Variants in LUZP1 observed in about 807,000 individuals in gnomAD.
The protein encoded by LUZP1 is filamin mechanobinding actin cross-linking protein.
LUZP1 carries 25 observed loss-of-function variants against 71.3 expected under a neutral mutation model. The observed-to-expected ratio is 0.35, with a 90% CI of 0.26 to 0.49. The LOEUF (loss-of-function observed/expected upper bound fraction) is 0.49. LUZP1 is among the 20% of genes least tolerant of loss of function. The probability of loss-of-function intolerance (pLI) is 0.99; values close to 1 mark genes in which losing one functional copy is unlikely to be tolerated. For missense variants in LUZP1, 1,142 were observed against 1,300.8 expected, an observed-to-expected ratio of 0.88 and a Z score of 1.88; for synonymous variants, 481 against 506.4, an observed-to-expected ratio of 0.95 and a Z score of 0.67.
intron 2 of LUZP1, among the ~76,000 whole-genome samples, chr1:23,162,294 G>A (rs943077769): frequency 1.3e-5 from 2 of 151,972 alleles, no homozygotes; most frequent in Non-Finnish European, 2.9e-5. Flanking sequence ...TACTGGTAAC[G>A]CTGTTTCTTG....
intron 2 of LUZP1, among the ~76,000 whole-genome samples, chr1:23,167,850 C>T (rs1644522271): frequency 6.6e-6 from 1 of 152,066 alleles, no homozygotes; most frequent in South Asian, 2.1e-4. Flanking sequence ...TTCATTCCTG[C>T]GCTCCGGGAA....
In LUZP1 at chr1:23,088,920, G is replaced by A. The variant is rs755311471; in HGVS notation, c.3206C>T (p.Thr1069Ile). ...TCAGTTCTCCTCAGCACAGGGCCTG[G>A]TTGGCCGTAATCGTTCCTCGGCCCG... The change falls in exon 5 of 5, where the codon ACC becomes ATC. Residue 1069 changes from threonine (T) to isoleucine (I), a missense_variant. Transcript: ENST00000302291. The A allele has an allele frequency of 8.7e-6, 14 of 1,614,020 alleles. No individual in the cohort carries two copies. In the Admixed American group the frequency reaches 2.3e-4, roughly 27 times the overall value.
chr1:23,123,934 T>G (rs183781506), intron 2 of LUZP1, among the ~76,000 whole-genome samples: 28 of 152,292 alleles, frequency 1.8e-4, no homozygotes, highest in Admixed American at 1.6e-3. Context: ...CTTTTCTCAT[T>G]CTTATTTTTA....
chr1:23,141,014 G>A (rs1644298622), intron 2 of LUZP1: 1 of 152,336 alleles, frequency 6.6e-6, no homozygotes, highest in Admixed American at 6.5e-5. Context: ...GCTCACCAAG[G>A]TCCTCCTGGA....
intron 3 of LUZP1, among the ~76,000 whole-genome samples, chr1:23,103,490 T>G (rs1643948059): frequency 6.6e-6 from 1 of 152,014 alleles, no homozygotes; most frequent in Admixed American, 6.6e-5. Context: ...AACCTCCCAC[T>G]CAATGCGGAC....
chr1:23,147,612 C>CAAAAAAA (rs774893320), intron 2 of LUZP1, among the ~76,000 whole-genome samples: 1 of 61,452 alleles, frequency 1.6e-5, no homozygotes, highest in African/African-American at 6.6e-5. Context: ...AGTCTCTACC[C>CAAAAAAA]AAAAAAAAAA....
intron 2 of LUZP1, among the ~76,000 whole-genome samples, chr1:23,166,933 T>C (rs1055268545): frequency 6.6e-6 from 1 of 152,200 alleles, no homozygotes; most frequent in Middle Eastern, 3.2e-3. Flanking sequence ...CCCAGCTCAC[T>C]ATTTCCAGCT....
chr1:23,092,314 T>C (rs1185800157), exon 4 of LUZP1: 9 of 1,614,126 alleles, frequency 5.6e-6, no homozygotes, highest in African/African-American at 1.3e-5. Context: ...CCACTGGATT[T>C]GATGACTCGA....
At chr1:23,145,040 C>A (rs1644331502) in intron 2 of LUZP1, among the ~76,000 whole-genome samples, 1 of 151,978 alleles carries the variant, frequency 6.6e-6, no homozygotes, top group South Asian at 2.1e-4. Context: ...CGACCACAGG[C>A]ACATGTCACC....
At chr1:23,136,295 AACAC>A (rs10578041) in intron 2 of LUZP1, among the ~76,000 whole-genome samples, 19,531 of 130,050 alleles carry the variant, frequency 0.15, 1,725 homozygotes, top group East Asian at 0.36. Context: ...TTCCGTCTTA[AACAC>A]ACACACACAC....
chr1:23,113,011 C>A (rs946933353), intron 2 of LUZP1, among the ~76,000 whole-genome samples: 4 of 152,186 alleles, frequency 2.6e-5, no homozygotes, highest in African/African-American at 9.7e-5. Flanking sequence ...GAGTTATTGT[C>A]TACTAAATTA....
At chr1:23,128,581 G>C (rs1644190897) in intron 2 of LUZP1, among the ~76,000 whole-genome samples, 1 of 152,174 alleles carries the variant, frequency 6.6e-6, no homozygotes, top group African/African-American at 2.4e-5. Context: ...GCATTATAAG[G>C]TAAACATCTT....
chr1:23,099,853 C>T (rs919339291), intron 3 of LUZP1, among the ~76,000 whole-genome samples: 4 of 152,168 alleles, frequency 2.6e-5, no homozygotes, highest in Non-Finnish European at 4.4e-5. Context: ...GGATAAAGTC[C>T]AAATTCCCCA....
chr1:23,138,816 G>A (rs550647780), intron 2 of LUZP1, among the ~76,000 whole-genome samples: 65 of 149,488 alleles, frequency 4.3e-4, no homozygotes, highest in African/African-American at 1.5e-3. Flanking sequence ...CCTGGGCAAC[G>A]GTGAAACCTC....
chr1:23,164,134 G>A (rs1644491463), intron 2 of LUZP1: 1 of 152,006 alleles, frequency 6.6e-6, no homozygotes, highest in Non-Finnish European at 1.5e-5. Context: ...GAATTCCTTT[G>A]CTTCGGGCAG....
intron 1 of LUZP1, among the ~76,000 whole-genome samples, chr1:23,171,311 C>A (rs1477307567): frequency 6.6e-6 from 1 of 152,186 alleles, no homozygotes; most frequent in Admixed American, 6.5e-5. Flanking sequence ...TGGAAACCAG[C>A]ACTCCAGTCT....
intron 1 of LUZP1, among the ~76,000 whole-genome samples, chr1:23,177,075 G>T (rs1211233692): frequency 1.9e-5 from 1 of 54,040 alleles, no homozygotes; most frequent in African/African-American, 1.0e-4. Context: ...AAGGATGATG[G>T]GGGGGGGGTC....
At chr1:23,146,571 G>A (rs1300209134) in intron 2 of LUZP1, among the ~76,000 whole-genome samples, 7 of 152,134 alleles carry the variant, frequency 4.6e-5, no homozygotes, top group African/African-American at 1.7e-4. Context: ...GCCAAGGTGG[G>A]AGGATCACTT....
chr1:23,090,452 T>C (rs1311639690), intron 4 of LUZP1: 1 of 173,766 alleles, frequency 5.8e-6, no homozygotes, highest in Non-Finnish European at 1.2e-5. Flanking sequence ...TTTTTCATCA[T>C]CACAGGTTTC....
Sources: gnomAD v4.1 joint callset for allele counts (sites outside exome capture counted in the v4.1 genomes callset) on GRCh38, gnomAD v4.1.1 for gene constraint, MANE v1.5 for transcripts, NCBI Gene and HGNC (gene_info 2026-07-23, HGNC 2026-07-21) for gene names.